Variants in RBM26 observed in about 807,000 individuals in gnomAD.
The protein encoded by RBM26 is RNA-binding protein 26.
RBM26 carries 30 observed loss-of-function variants against 123.6 expected under a neutral mutation model. The observed-to-expected ratio is 0.24, with a 90% CI of 0.18 to 0.33. The LOEUF is 0.33. Ranked by LOEUF, RBM26 falls within the 10% of genes least tolerant of loss-of-function variation. The probability of loss-of-function intolerance (pLI) is 1.00; values close to 1 mark genes in which losing one functional copy is unlikely to be tolerated. For synonymous variants in RBM26, 400 were observed against 404.4 expected (o/e 0.99, Z 0.13); for missense variants, 947 against 1,203.6 (o/e 0.79, Z 3.15).
intron 20 of RBM26, among the ~76,000 whole-genome samples, chr13:79,327,411 C>G (rs2068602675): frequency 6.6e-6 from 1 of 151,844 alleles, no homozygotes; most frequent in African/African-American, 2.4e-5. Flanking sequence ...ATACTAGAAG[C>G]ATTTTCATTC....
intron 5 of RBM26, among the ~76,000 whole-genome samples, chr13:79,370,622 C>G (rs1418662387): frequency 6.6e-6 from 1 of 152,120 alleles, no homozygotes; most frequent in Non-Finnish European, 1.5e-5. Flanking sequence ...AATAGCGGAC[C>G]CATATGCTAA....
intron 20 of RBM26, among the ~76,000 whole-genome samples, chr13:79,330,595 T>C (rs996973867): frequency 2.0e-5 from 3 of 152,138 alleles, no homozygotes; most frequent in African/African-American, 4.8e-5. Context: ...ACTGCAATCC[T>C]ATGGTTCCTT....
chr13:79,388,803 T>G (rs1006948009), intron 1 of RBM26, among the ~76,000 whole-genome samples: 1 of 152,170 alleles, frequency 6.6e-6, no homozygotes, highest in Non-Finnish European at 1.5e-5. Context: ...AAAGGTAAGA[T>G]AAGCACTTGA....
intron 1 of RBM26, among the ~76,000 whole-genome samples, chr13:79,383,893 T>C (rs942907647): frequency 3.3e-5 from 5 of 152,158 alleles, no homozygotes; most frequent in Non-Finnish European, 5.9e-5. Flanking sequence ...GGGATCTGAA[T>C]TTAGATAGGA....
chr13:79,353,125 G>A, intron 14 of RBM26, 28 bp downstream of exon 14: 1 of 1,444,712 alleles, frequency 6.9e-7, no homozygotes, highest in Non-Finnish European at 9.5e-7. Context: ...ATGAAGCCAA[G>A]ACAAACACAT....
At chr13:79,344,370 CAATATTATT>C (rs762333179) in intron 15 of RBM26, 48 bp from the exon 16 acceptor site, 3 of 1,321,486 alleles carry the variant, frequency 2.3e-6, no homozygotes, top group Non-Finnish European at 3.3e-6. Flanking sequence ...TAAGGATAAA[CAATATTATT>C]CAAGAGAAGA....
intron 20 of RBM26, among the ~76,000 whole-genome samples, chr13:79,323,231 C>T (rs2067903884): frequency 8.9e-6 from 1 of 112,626 alleles, no homozygotes; most frequent in Non-Finnish European, 2.0e-5. Context: ...TCAGTGTTAG[C>T]AACATATTGC....
chr13:79,366,104 A>G lies in RBM26; in HGVS notation c.1227T>C (p.Thr409=), dbSNP rs1433789669. 6.2e-7 allele frequency: 1 copy of G among 1,614,098 alleles called. No individual in the cohort carries two copies. The highest frequency in any genetic ancestry group is 1.1e-5 in the South Asian group (1 of 91,084). The change falls in exon 8 of 22, where the codon ACT becomes ACC. Residue 409 remains threonine, a synonymous_variant. Coordinates refer to ENST00000438737, the MANE Select transcript of RBM26 (RefSeq NM_001366735.2). ...CAGGAGGAGGCTGGTGATGAATGCCAGTTGTTACTACAGTAGGAACAGAAC... is the reference window on the plus strand; with the variant it reads ...CAGGAGGAGGCTGGTGATGAATGCCGGTTGTTACTACAGTAGGAACAGAAC... ...ATSSVPTVVT[T]GIHHQPPPAP...
At chr13:79,356,391 A>C (rs866003814) in intron 11 of RBM26, among the ~76,000 whole-genome samples, 1 of 150,040 alleles carries the variant, frequency 6.7e-6, no homozygotes. Context: ...AAAACAAACA[A>C]AAAAAAACAA....
At chr13:79,315,008 G>A (rs2067018249), downstream of RBM26, 1 of 1,292,814 alleles carries the variant, frequency 7.7e-7, no homozygotes, top group African/African-American at 1.5e-5. Flanking sequence ...AAAAAGAGAA[G>A]ACTATTAAAA....
intron 20 of RBM26, among the ~76,000 whole-genome samples, chr13:79,326,397 C>A (rs1355009577): frequency 2.0e-5 from 3 of 151,942 alleles, no homozygotes; most frequent in African/African-American, 7.3e-5. Flanking sequence ...CTACAGGATG[C>A]CTACTTGGGC....
intron 8 of RBM26, 61 bp downstream of exon 8, chr13:79,365,994 T>A: frequency 6.6e-7 from 1 of 1,504,558 alleles, no homozygotes; most frequent in Non-Finnish European, 9.1e-7. Flanking sequence ...CTCTAGACAT[T>A]TTAAAATTCT....
At chr13:79,400,584 CAGAAGTAAAAAATGGA>C (rs778785146) in intron 1 of RBM26, among the ~76,000 whole-genome samples, 78 of 151,984 alleles carry the variant, frequency 5.1e-4, no homozygotes, top group Non-Finnish European at 1.0e-3. Flanking sequence ...AATGAAATGT[CAGAAGTAAAAAATGGA>C]TGAAGAAAAA....
intron 1 of RBM26, 92 bp from the exon 2 acceptor site, chr13:79,378,999 A>G (rs898343760): frequency 2.5e-6 from 2 of 809,472 alleles, no homozygotes; most frequent in African/African-American, 3.5e-5. Context: ...ATAATAGTTA[A>G]GTGAGTTAAT....
intron 16 of RBM26, among the ~76,000 whole-genome samples, chr13:79,343,381 A>G (rs766635693): frequency 1.3e-5 from 2 of 151,950 alleles, no homozygotes; most frequent in Non-Finnish European, 2.9e-5. Context: ...AAGAAGCCAC[A>G]TGATTTATTG....
At chr13:79,316,625 T>C (rs939494490), downstream of RBM26, among the ~76,000 whole-genome samples, 4 of 151,878 alleles carry the variant, frequency 2.6e-5, no homozygotes, top group African/African-American at 9.7e-5. Context: ...TCCTGCAACA[T>C]GTTTTCATCA....
At chr13:79,340,181 A>C (rs2071128614) in intron 18 of RBM26, among the ~76,000 whole-genome samples, 1 of 152,046 alleles carries the variant, frequency 6.6e-6, no homozygotes, top group Admixed American at 6.5e-5. Context: ...TCCCCAAAAA[A>C]AATACTGGGC....
chr13:79,373,384 T>C (rs187911206), intron 3 of RBM26, among the ~76,000 whole-genome samples: 12,980 of 94,246 alleles, frequency 0.14, 2,535 homozygotes, highest in African/African-American at 0.45. Context: ...ATATTATATA[T>C]AAATATATAT....
chr13:79,367,430 A>AG (rs1566476131), intron 6 of RBM26, among the ~76,000 whole-genome samples: 1 of 47,140 alleles, frequency 2.1e-5, no homozygotes, highest in African/African-American at 5.2e-5. Context: ...AAAAAAAAAA[A>AG]AAGAAGAAGA....
Sources: gnomAD v4.1 joint callset for allele counts (sites outside exome capture counted in the v4.1 genomes callset) on GRCh38, gnomAD v4.1.1 for gene constraint, MANE v1.5 for transcripts, NCBI Gene and HGNC (gene_info 2026-07-23, HGNC 2026-07-21) for gene names.